TPRA1: variants seen among roughly 807,000 people sequenced by gnomAD.
TPRA1 encodes transmembrane protein adipocyte-associated 1.
A neutral mutation model predicts 40.1 loss-of-function variants in TPRA1; 28 were observed. The ratio of observed to expected loss-of-function variants is 0.70; its 90% confidence interval spans 0.52 to 0.96. The LOEUF (loss-of-function observed/expected upper bound fraction) is 0.96. TPRA1 is among the 40% of genes least tolerant of loss of function. TPRA1 has a pLI of 0.00. For missense variants in TPRA1, 441 were observed against 482.6 expected, an observed-to-expected ratio of 0.91 and a Z score of 0.81; for synonymous variants, 219 against 209.7, an observed-to-expected ratio of 1.04 and a Z score of -0.38.
At chr3:127,581,465 G>A (rs567759620) in intron 1 of TPRA1, among the ~76,000 whole-genome samples, 1 of 152,340 alleles carries the variant, frequency 6.6e-6, no homozygotes, top group African/African-American at 2.4e-5. Flanking sequence ...CGCCTTTGGG[G>A]AGATGAAGCG....
At chr3:127,587,740 G>A (rs551169501) in intron 1 of TPRA1, among the ~76,000 whole-genome samples, 48 of 149,416 alleles carry the variant, frequency 3.2e-4, no homozygotes, top group Admixed American at 2.7e-3. Context: ...GCAGTGGCGC[G>A]ATGTCGGCTC....
In TPRA1 at chr3:127,575,809, C is replaced by A; in HGVS notation, c.610G>T (p.Val204Phe). 6.2e-7 allele frequency: 1 copy of A among 1,613,940 alleles called. No homozygotes were observed. ...WLVSSCFFFL[V>F]YSLVVILPKT... ...GGAAGGATGACCACCAGAGAGTAGA[C>A]CTACAGAGACAGGCAGGGCTGAGAA... Residue 204 changes from valine to phenylalanine, a missense_variant and splice_region_variant, in exon 8 of 11, where the codon GTC becomes TTC. By Grantham distance (50) the Val-to-Phe change is conservative. Coordinates refer to ENST00000355552, the MANE Select transcript of TPRA1 (RefSeq NM_001136053.4).
At position 127,573,705 on chromosome 3, in the gene TPRA1, G is replaced by T; in HGVS notation, c.938C>A (p.Ala313Asp). 1.2e-6 allele frequency: 2 copies of T among 1,613,218 alleles called. No homozygotes were observed. The highest frequency in any genetic ancestry group is 1.7e-6 in the Non-Finnish European group (2 of 1,179,532). The change falls in exon 11 of 11, where the codon GCT (alanine) becomes GAT (aspartate). Residue 313 changes from alanine (A) to aspartate (D), a missense_variant. Coordinates refer to ENST00000355552, the MANE Select transcript of TPRA1 (RefSeq NM_001136053.4). Reference sequence around the variant, plus strand: ...CTCCAGGCCCTCCCGCCGGGCCACAGCGTAGGGCTGGGGTAGGTGTACATC... The same window carrying T: ...CTCCAGGCCCTCCCGCCGGGCCACATCGTAGGGCTGGGGTAGGTGTACATC... Reference protein sequence around the residue: ...EPDVHLPQPYAVARREGLEAA... With the variant: ...EPDVHLPQPYDVARREGLEAA...
rs773415285 is a variant in TPRA1, at chr3:127,590,723, G to A, written c.-331C>T. Reference sequence around the variant, plus strand: ...TCGTCCAGCCCAAATTGCGAAAACGGCCACAGTCCCACAAGTCCCAGAGTC... The same window carrying A: ...TCGTCCAGCCCAAATTGCGAAAACGACCACAGTCCCACAAGTCCCAGAGTC... On this transcript the variant is annotated 5_prime_UTR_variant, in exon 1 of 11. Transcript: ENST00000355552. 1 of 152,358 alleles carries A rather than the reference G, an allele frequency of 6.6e-6. No individual in the cohort carries two copies. Among genetic ancestry groups the A allele is most frequent in the Non-Finnish European group, 1.5e-5 (1 of 68,192 alleles). The allele number at this position is 152,358 out of a possible 1,614,324, so 9.4% of individuals were successfully genotyped here. A position where few individuals can be genotyped will look rare whatever the true frequency, so the allele number is the denominator to read the frequency against.
Position 127,590,468 on chromosome 3 carries a change from C to A in TPRA1, c.-76G>T, listed in dbSNP as rs1278838469. ...CCCGGCCGCCCCGGCCGCCCATCCGCCGCCACTGGGTGTGCGCGGATCCAG... is the reference window on the plus strand; with the variant it reads ...CCCGGCCGCCCCGGCCGCCCATCCGACGCCACTGGGTGTGCGCGGATCCAG... On this transcript the variant is annotated 5_prime_UTR_variant, in exon 1 of 11. Transcript: ENST00000355552. The A allele has an allele frequency of 6.6e-6, 1 of 152,344 alleles. No homozygotes were observed. The highest frequency in any genetic ancestry group is 2.4e-5 in the African/African-American group (1 of 41,456). 9.4% of individuals were successfully genotyped at this position (152,344 alleles called of 1,614,324 possible). A position where few individuals can be genotyped will look rare whatever the true frequency, so the allele number is the denominator to read the frequency against.
intron 1 of TPRA1, among the ~76,000 whole-genome samples, chr3:127,587,675 C>CT (rs1171996656): frequency 0.027 from 3,501 of 129,746 alleles, 58 homozygotes; most frequent in South Asian, 0.045. Context: ...TGCTGCTTTT[C>CT]TTTTTTTTTT....
chr3:127,584,064 A>G (rs2073919954), intron 1 of TPRA1, among the ~76,000 whole-genome samples: 2 of 151,860 alleles, frequency 1.3e-5, no homozygotes, highest in African/African-American at 4.8e-5. Flanking sequence ...AACAGAGCAG[A>G]CAAGGCCCTG....
intron 10 of TPRA1, among the ~76,000 whole-genome samples, chr3:127,574,245 G>A (rs2073489295): frequency 6.6e-6 from 1 of 152,206 alleles, no homozygotes; most frequent in African/African-American, 2.4e-5. Flanking sequence ...TTTACAAAAA[G>A]GAGCCTGAGG....
chr3:127,592,074 A>G (rs536588593), upstream of TPRA1: 2 of 152,354 alleles, frequency 1.3e-5, no homozygotes, highest in East Asian at 3.9e-4. Flanking sequence ...GAGGCTGGGC[A>G]ATGCCGGCCT....
chr3:127,588,843 TC>T (rs2074080535), intron 1 of TPRA1, among the ~76,000 whole-genome samples: 1 of 152,124 alleles, frequency 6.6e-6, no homozygotes, highest in Non-Finnish European at 1.5e-5. Context: ...ACAATTACTG[TC>T]CCCTTATACA....
intron 1 of TPRA1, chr3:127,587,192 T>C (rs1001291797): frequency 3.3e-5 from 5 of 152,114 alleles, no homozygotes; most frequent in Admixed American, 6.6e-5. Flanking sequence ...TCATTGACAA[T>C]TGAGGAAACA....
At chr3:127,580,664 C>CT in intron 1 of TPRA1, among the ~76,000 whole-genome samples, 1 of 152,374 alleles carries the variant, frequency 6.6e-6, no homozygotes, top group East Asian at 1.9e-4. Flanking sequence ...TGGTTCTGAC[C>CT]TGCCACACCA....
Position 127,573,280 on chromosome 3 carries a change from G to A in TPRA1, c.*241C>T, listed in dbSNP as rs1576359780. ...AGCATGGCCCTGGAAGGAAAGCCTG[G>A]GCCATGTCACTGAGCAGTATGAGAG... On this transcript the variant is annotated 3_prime_UTR_variant, in exon 11 of 11. Coordinates refer to ENST00000355552, the MANE Select transcript of TPRA1 (RefSeq NM_001136053.4). 2.1e-6 allele frequency: 1 copy of A among 469,698 alleles called. No homozygotes were observed. The highest frequency in any genetic ancestry group is 3.7e-6 in the Non-Finnish European group (1 of 269,186). 29.1% of individuals were successfully genotyped at this position (469,698 alleles called of 1,614,324 possible).
At position 127,577,034 on chromosome 3, in the gene TPRA1, A is replaced by G; in HGVS notation, c.301T>C (p.Ser101Pro). The G allele has an allele frequency of 6.2e-7, 1 of 1,613,698 alleles. No individual in the cohort carries two copies. ...GCGTTCGAGGTGCTCACCGTCATGG[A>G]TACCACGGCCCGGGCAATGCCCACC... is the stretch of plus-strand genomic sequence containing the variant. ...ALVGIARAVV[S>P]MTVSTSNAAT... Residue 101 changes from serine to proline, a missense_variant, in exon 4 of 11, where the codon TCC becomes CCC. Ser to Pro is a moderately conservative substitution (Grantham distance 74). Transcript: ENST00000355552.
intron 1 of TPRA1, among the ~76,000 whole-genome samples, chr3:127,586,086 G>A (rs1437613483): frequency 6.6e-6 from 1 of 152,210 alleles, no homozygotes; most frequent in Non-Finnish European, 1.5e-5. Flanking sequence ...GCCAGCAGTT[G>A]GTTGAGGCAA....
chr3:127,584,447 T>TAAAAAAAAAAAA (rs1163065087), intron 1 of TPRA1, among the ~76,000 whole-genome samples: 7 of 20,862 alleles, frequency 3.4e-4, no homozygotes, highest in African/African-American at 8.6e-4. Flanking sequence ...AGACCCTGTC[T>TAAAAAAAAAAAA]AAAAAAAAAA....
chr3:127,576,630 T>A lies in TPRA1; in HGVS notation c.485A>T (p.Tyr162Phe). Residue 162 changes from tyrosine (Y) to phenylalanine (F), a missense_variant, in exon 6 of 11, where the codon TAC becomes TTC. Tyr to Phe is a conservative substitution (Grantham distance 22). Coordinates refer to ENST00000355552, the MANE Select transcript of TPRA1 (RefSeq NM_001136053.4). This position sits in a 1 kb window ranked among gnomAD's most constrained non-coding sequence, Gnocchi z 4.6. Reference protein sequence around the residue: ...LAITTVLSLAYSVTQGTLEIL... With the variant: ...LAITTVLSLAFSVTQGTLEIL... ...TCACCCTCTTACCTGGGTGACAGAG[T>A]AGGCCAGGGACAGCACTGTGGTGAT... The A allele has an allele frequency of 6.2e-7, 1 of 1,607,176 alleles. No homozygotes were observed. Among genetic ancestry groups the A allele is most frequent in the Non-Finnish European group, 8.5e-7 (1 of 1,176,876 alleles).
Position 127,577,082 on chromosome 3 carries a change from G to A in TPRA1, c.259-6C>T, listed in dbSNP as rs2073667130. On this transcript the variant is annotated splice_region_variant and splice_polypyrimidine_tract_variant and intron_variant, in intron 3 of 10. Coordinates refer to ENST00000355552, the MANE Select transcript of TPRA1 (RefSeq NM_001136053.4). ...ACCAGCGCCACCACAAACACCTGGT[G>A]GGCAAGGGAGTGGTGTGGCAGTCAG... 1.2e-6 allele frequency: 2 copies of A among 1,613,164 alleles called. No homozygotes were observed. Among genetic ancestry groups the A allele is most frequent in the Non-Finnish European group, 1.7e-6 (2 of 1,179,962 alleles).
At chr3:127,592,369 T>TG (rs2107675845), upstream of TPRA1, among the ~76,000 whole-genome samples, 1 of 107,672 alleles carries the variant, frequency 9.3e-6, no homozygotes, top group Admixed American at 8.8e-5. Context: ...AACATGCTGT[T>TG]TTTTTTTTTT....
Sources: gnomAD v4.1 joint callset for allele counts (sites outside exome capture counted in the v4.1 genomes callset) on GRCh38, gnomAD v4.1.1 for gene constraint, Gnocchi (gnomAD v3.1) non-coding constraint, MANE v1.5 for transcripts, NCBI Gene and HGNC (gene_info 2026-07-23, HGNC 2026-07-21) for gene names.